PLEKHA5: variants seen among roughly 807,000 people sequenced by gnomAD.
PLEKHA5 encodes the protein pleckstrin homology domain-containing family A member 5.
PLEKHA5 carries 55 observed loss-of-function variants against 181.9 expected under a neutral mutation model. The observed-to-expected ratio is 0.30, with a 90% CI of 0.24 to 0.38. The LOEUF (loss-of-function observed/expected upper bound fraction) is 0.38. Among genes scored for constraint, PLEKHA5 ranks in the 10% least tolerant of loss-of-function variants. The pLI is 1.00. For synonymous variants in PLEKHA5, 535 were observed against 529.4 expected (o/e 1.01, Z -0.15); for missense variants, 1,432 against 1,549.5 (o/e 0.92, Z 1.27).
At chr12:19,178,687 A>G (rs565486362) in intron 3 of PLEKHA5, among the ~76,000 whole-genome samples, 55 of 152,300 alleles carry the variant, frequency 3.6e-4, no homozygotes, top group Non-Finnish European at 7.1e-4. Flanking sequence ...CAAAACTGAG[A>G]TTCGGCTCAT....
intron 3 of PLEKHA5, among the ~76,000 whole-genome samples, chr12:19,221,142 A>G (rs946833474): frequency 1.3e-5 from 2 of 152,190 alleles, no homozygotes; most frequent in Non-Finnish European, 2.9e-5. Context: ...TCATGCTCCT[A>G]GGTATTTCCC....
chr12:19,277,160 A>C (rs567054032), intron 11 of PLEKHA5, among the ~76,000 whole-genome samples: 72 of 152,240 alleles, frequency 4.7e-4, no homozygotes, highest in African/African-American at 1.7e-3. Flanking sequence ...TCTGGGGGGA[A>C]AAAAATGAAA....
At chr12:19,175,872 G>A (rs911860729) in intron 3 of PLEKHA5, among the ~76,000 whole-genome samples, 1 of 152,232 alleles carries the variant, frequency 6.6e-6, no homozygotes, top group Admixed American at 6.5e-5. Context: ...TACAATTAAA[G>A]TATATTGGGA....
chr12:19,141,099 A>G (rs796742504), intron 3 of PLEKHA5, among the ~76,000 whole-genome samples: 4 of 152,206 alleles, frequency 2.6e-5, no homozygotes, highest in African/African-American at 9.6e-5. Context: ...CAGCCAGGAA[A>G]CACTTCACAC....
chr12:19,225,919 A>T (rs1278360044), intron 3 of PLEKHA5, among the ~76,000 whole-genome samples: 1 of 152,222 alleles, frequency 6.6e-6, no homozygotes, highest in Admixed American at 6.5e-5. Context: ...AAGCAAGTCA[A>T]AATCCTACTA....
At chr12:19,241,566 G>T (rs2062612163) in intron 3 of PLEKHA5, among the ~76,000 whole-genome samples, 1 of 152,110 alleles carries the variant, frequency 6.6e-6, no homozygotes, top group South Asian at 2.1e-4. Context: ...AGACCAGCCT[G>T]GCCAACATGG....
intron 3 of PLEKHA5, among the ~76,000 whole-genome samples, chr12:19,187,480 G>A (rs190174039): frequency 7.2e-5 from 11 of 152,258 alleles, no homozygotes; most frequent in Non-Finnish European, 1.2e-4. Flanking sequence ...ACTGTTTCCA[G>A]GTTGATCCAG....
chr12:19,155,905 T>A (rs572400143), intron 3 of PLEKHA5, among the ~76,000 whole-genome samples: 1 of 152,346 alleles, frequency 6.6e-6, no homozygotes, highest in East Asian at 1.9e-4. Context: ...AACATCTTTT[T>A]CTTCAGAGAC....
At chr12:19,207,961 A>G (rs565842601) in intron 3 of PLEKHA5, among the ~76,000 whole-genome samples, 1 of 152,320 alleles carries the variant, frequency 6.6e-6, no homozygotes, top group African/African-American at 2.4e-5. Flanking sequence ...AGTGTAGTCA[A>G]TGACTACTAC....
In PLEKHA5 at chr12:19,300,617, T is replaced by C. The variant is rs1310559270; in HGVS notation, c.2037+8920T>C. Among the ~76,000 whole-genome samples the C allele has an allele frequency of 2.6e-5, 4 of 152,310 alleles. No homozygotes were observed. The East Asian group carries it at 5.8e-4, about 22-fold the overall frequency. On this transcript the variant is annotated intron_variant, in intron 15 of 31. Coordinates refer to ENST00000429027, the MANE Select transcript of PLEKHA5 (RefSeq NM_001256470.2). ...AGCCATGATGCTAATGCCCACAATG[T>C]AGAATTCTTGTTCAAAACTTGGAAG... is the stretch of plus-strand genomic sequence containing the variant.
intron 20 of PLEKHA5, among the ~76,000 whole-genome samples, chr12:19,323,295 G>A (rs1001723824): frequency 6.6e-6 from 1 of 152,042 alleles, no homozygotes; most frequent in Non-Finnish European, 1.5e-5. Context: ...GGCCAAGGTG[G>A]GTGGATCACC....
chr12:19,156,499 T>C (rs1236984495), intron 3 of PLEKHA5, among the ~76,000 whole-genome samples: 3 of 151,994 alleles, frequency 2.0e-5, no homozygotes, highest in Admixed American at 1.3e-4. Context: ...CAAAATAACA[T>C]TGATGTTAGT....
In PLEKHA5 at chr12:19,210,389, T is replaced by C. The variant is rs114476924; in HGVS notation, c.228-43551T>C. Among the ~76,000 whole-genome samples, 292 of 152,326 alleles carry C rather than the reference T, an allele frequency of 1.9e-3. 1 individual carries two copies. The highest frequency in any genetic ancestry group is 6.7e-3 in the African/African-American group (279 of 41,566). On this transcript the variant is annotated intron_variant, in intron 3 of 31. Coordinates refer to ENST00000429027, the MANE Select transcript of PLEKHA5 (RefSeq NM_001256470.2). ...TCCAGAACAGAGGACCTGTGACTTA[T>C]TAATACAAATGGAACTTTTCCCATT...
At chr12:19,192,826 T>C (rs575973352) in intron 3 of PLEKHA5, among the ~76,000 whole-genome samples, 3 of 152,206 alleles carry the variant, frequency 2.0e-5, no homozygotes, top group South Asian at 2.1e-4. Flanking sequence ...TTTTAAGGAG[T>C]GATGAGACTA....
intron 16 of PLEKHA5, among the ~76,000 whole-genome samples, chr12:19,317,477 C>G (rs1053566589): frequency 1.3e-5 from 2 of 151,322 alleles, no homozygotes; most frequent in Non-Finnish European, 2.9e-5. Context: ...GTAATTTGTC[C>G]TAAAAGATGC....
intron 3 of PLEKHA5, chr12:19,153,078 G>A (rs1415926813): frequency 7.1e-6 from 1 of 140,190 alleles, no homozygotes; most frequent in Non-Finnish European, 1.5e-5. Context: ...TCTTTATATT[G>A]CTGGCTAGTA....
rs79992440 is a variant in PLEKHA5, at chr12:19,174,882, G to C, written c.227+42432G>C. Among the ~76,000 whole-genome samples the C allele has an allele frequency of 1.3e-4, 20 of 152,292 alleles. No homozygotes were observed. The East Asian group carries it at 3.5e-3, about 26-fold the overall frequency. ...ATAAGTTCAAGAATCTAAACAAGCAGTTCATACAACACAGGGAAACTACAG... is the reference window on the plus strand; with the variant it reads ...ATAAGTTCAAGAATCTAAACAAGCACTTCATACAACACAGGGAAACTACAG... On this transcript the variant is annotated intron_variant, in intron 3 of 31. Coordinates refer to ENST00000429027, the MANE Select transcript of PLEKHA5 (RefSeq NM_001256470.2).
chr12:19,137,416 T>G (rs1257589983), intron 3 of PLEKHA5, among the ~76,000 whole-genome samples: 2 of 152,232 alleles, frequency 1.3e-5, no homozygotes, highest in Non-Finnish European at 2.9e-5. Context: ...GGGCATTATA[T>G]TTCTTTTCCA....
intron 26 of PLEKHA5, among the ~76,000 whole-genome samples, chr12:19,354,308 C>G (rs1420247598): frequency 1.4e-5 from 2 of 148,104 alleles, no homozygotes; most frequent in Non-Finnish European, 3.0e-5. Context: ...CCCGCCACCA[C>G]GCCCGGCTAA....
Sources: gnomAD v4.1 joint callset for allele counts (sites outside exome capture counted in the v4.1 genomes callset) on GRCh38, gnomAD v4.1.1 for gene constraint, MANE v1.5 for transcripts, NCBI Gene and HGNC (gene_info 2026-07-23, HGNC 2026-07-21) for gene names.